Variants in WAPL observed in about 807,000 individuals in gnomAD.
WAPL encodes the protein wings apart-like protein homolog.
Under a neutral mutation model 121.0 loss-of-function variants are expected in WAPL, and 5 were observed. The observed-to-expected ratio is 0.04, with a 90% CI of 0.02 to 0.09. The LOEUF (loss-of-function observed/expected upper bound fraction) is 0.09. Among genes scored for constraint, WAPL ranks in the 10% least tolerant of loss-of-function variants. The pLI is 1.00. For missense variants in WAPL, 999 were observed against 1,410.8 expected (o/e 0.71, Z 4.68); for synonymous variants, 480 against 481.5 (o/e 1.00, Z 0.04).
intron 4 of WAPL, among the ~76,000 whole-genome samples, chr10:86,481,125 G>C (rs866293953): frequency 7.2e-5 from 11 of 152,126 alleles, no homozygotes; most frequent in African/African-American, 2.7e-4. Flanking sequence ...GCCAATACTG[G>C]ATGTGGGTAA....
Position 86,435,625 on chromosome 10 carries a change from A to C in WAPL, c.*1918T>G, listed in dbSNP as rs928473614. The C allele has an allele frequency of 6.6e-6, 1 of 152,168 alleles. No individual in the cohort carries two copies. Among genetic ancestry groups the C allele is most frequent in the Non-Finnish European group, 1.5e-5 (1 of 67,972 alleles). 9.4% of individuals were successfully genotyped at this position (152,168 alleles called of 1,614,324 possible). ...TCCCCCCACCAAAATCTGCATCTCT[A>C]TCAGTGCTCGACAATTAGTTATTAT... On this transcript the variant is annotated 3_prime_UTR_variant, in exon 19 of 19. Transcript: ENST00000298767.
At chr10:86,449,462 AAGAC>A (rs767630354) in intron 15 of WAPL, among the ~76,000 whole-genome samples, 2 of 152,258 alleles carry the variant, frequency 1.3e-5, no homozygotes, top group Non-Finnish European at 2.9e-5. Context: ...AGATAAAAGA[AAGAC>A]AGAGAAGATA....
chr10:86,517,800 G>A lies in WAPL; in HGVS notation c.270C>T (p.Ala90=), dbSNP rs1399256421. Residue 90 remains alanine, a synonymous_variant, in exon 2 of 19, where the codon GCC becomes GCT. Coordinates refer to ENST00000298767, the MANE Select transcript of WAPL (RefSeq NM_015045.5). ...ESLPVSSKNL[A]QVKCSSYSES... ...CTGAATAAGAGGAACACTTAACCTG[G>A]GCTAAATTCTTTGAAGAAACTGGTA... The A allele has an allele frequency of 6.2e-6, 10 of 1,613,996 alleles. No individual in the cohort carries two copies. The highest frequency in any genetic ancestry group is 8.5e-6 in the Non-Finnish European group (10 of 1,180,018).
chr10:86,470,938 T>G, intron 8 of WAPL, 54 bp downstream of exon 8: 1 of 1,403,066 alleles, frequency 7.1e-7, no homozygotes, highest in African/African-American at 1.4e-5. Context: ...GATAGCCAAA[T>G]AGACTAGTAG....
At chr10:86,468,888 G>C (rs1048771128) in intron 8 of WAPL, among the ~76,000 whole-genome samples, 39 of 152,072 alleles carry the variant, frequency 2.6e-4, no homozygotes, top group African/African-American at 8.7e-4. Context: ...ATCACCTAAG[G>C]TCGGGAGTTT....
intron 4 of WAPL, among the ~76,000 whole-genome samples, chr10:86,486,211 T>C (rs1841928586): frequency 6.6e-6 from 1 of 152,154 alleles, no homozygotes; most frequent in South Asian, 2.1e-4. Flanking sequence ...ATAACAAAGG[T>C]AACACTGGGT....
At chr10:86,443,053 A>AC (rs1299437525) in intron 17 of WAPL, among the ~76,000 whole-genome samples, 4 of 151,714 alleles carry the variant, frequency 2.6e-5, no homozygotes, top group Non-Finnish European at 4.4e-5. Flanking sequence ...AAAAAAAAAA[A>AC]AAAAAACTAC....
At position 86,521,393 on chromosome 10, in the gene WAPL, C is replaced by CGGGCCG. The variant is rs1400461615; in HGVS notation, c.-57_-52dup. ...CGGAGCCTGGCGGGTGCTTTGGCCA[C>CGGGCCG]GGGCCGCCTCCGCCTCTCCCGCTCC... is the stretch of plus-strand genomic sequence containing the variant. On this transcript the variant is annotated 5_prime_UTR_variant, in exon 1 of 19. Coordinates refer to ENST00000298767, the MANE Select transcript of WAPL (RefSeq NM_015045.5). 1.7e-5 allele frequency: 5 copies of CGGGCCG among 290,358 alleles called. No individual in the cohort carries two copies. 18.0% of individuals were successfully genotyped at this position (290,358 alleles called of 1,614,324 possible).
At chr10:86,492,536 T>C (rs1168740553) in intron 4 of WAPL, among the ~76,000 whole-genome samples, 4 of 152,110 alleles carry the variant, frequency 2.6e-5, no homozygotes, top group Middle Eastern at 3.2e-3. Flanking sequence ...AGTAACCAGG[T>C]ATCATGAGAC....
chr10:86,461,187 A>G lies in WAPL; in HGVS notation c.2471T>C (p.Ile824Thr). The G allele has an allele frequency of 6.2e-7, 1 of 1,611,584 alleles. No individual in the cohort carries two copies. Among genetic ancestry groups the G allele is most frequent in the Non-Finnish European group, 8.5e-7 (1 of 1,178,246 alleles). The change falls in exon 10 of 19, where the codon ATT becomes ACT. Residue 824 changes from isoleucine to threonine, a missense_variant. By Grantham distance (89) the Ile-to-Thr change is moderately conservative. Coordinates refer to ENST00000298767, the MANE Select transcript of WAPL (RefSeq NM_015045.5). Reference protein sequence around the residue: ...ELRLLGGLDHIVDKVKECVDH... With the variant: ...ELRLLGGLDHTVDKVKECVDH... ...TGTAAATATCATACCTTTATCTACA[A>G]TATGATCCAGACCACCCAAAAGCCG... is the stretch of plus-strand genomic sequence containing the variant.
At chr10:86,448,780 A>T (rs1482194355) in intron 15 of WAPL, among the ~76,000 whole-genome samples, 3 of 151,930 alleles carry the variant, frequency 2.0e-5, no homozygotes, top group Admixed American at 6.6e-5. Context: ...ACACCTGGCT[A>T]ATTTTTTAAT....
At chr10:86,512,657 C>A (rs1374711189) in intron 2 of WAPL, among the ~76,000 whole-genome samples, 1 of 152,188 alleles carries the variant, frequency 6.6e-6, no homozygotes, top group Non-Finnish European at 1.5e-5. Flanking sequence ...GCTTTAATAG[C>A]AACTGCAATC....
intron 12 of WAPL, among the ~76,000 whole-genome samples, chr10:86,454,559 C>A (rs1841085497): frequency 6.6e-6 from 1 of 152,246 alleles, no homozygotes; most frequent in African/African-American, 2.4e-5. Flanking sequence ...TGCTGGAGTG[C>A]AGTGGCGTGA....
intron 8 of WAPL, among the ~76,000 whole-genome samples, 174 bp from the exon 9 acceptor site, chr10:86,467,680 T>A (rs1841430310): frequency 1.3e-5 from 2 of 151,382 alleles, no homozygotes; most frequent in Admixed American, 6.6e-5. Flanking sequence ...TAAAAAATTT[T>A]TTTTTTTTTT....
chr10:86,461,270 C>T lies in WAPL; in HGVS notation c.2388G>A (p.Met796Ile). 6.2e-7 allele frequency: 1 copy of T among 1,611,914 alleles called. No homozygotes were observed. The highest frequency in any genetic ancestry group is 8.5e-7 in the Non-Finnish European group (1 of 1,179,346). ...LENITTGHLA[M>I]ETLLSLTSKR... Reference sequence around the variant, plus strand: ...TAGAAGTAAGGGATAATAATGTCTCCATAGCTAAATGCCCAGTCTAAAAAC... The same window carrying T: ...TAGAAGTAAGGGATAATAATGTCTCTATAGCTAAATGCCCAGTCTAAAAAC... Residue 796 changes from methionine to isoleucine, a missense_variant, in exon 10 of 19, where the codon ATG becomes ATA. Around this residue, in one of 7 missense-constraint regions of WAPL, gnomAD observed 118 missense variants for 318.3 expected, o/e 0.37. Transcript: ENST00000298767.
intron 17 of WAPL, 146 bp downstream of exon 17, chr10:86,443,129 A>G: frequency 3.9e-6 from 2 of 512,694 alleles, no homozygotes; most frequent in Non-Finnish European, 3.3e-6. Context: ...AAACAACCCT[A>G]TAATCAGCCA....
chr10:86,500,772 A>G (rs1440976665), intron 2 of WAPL, 29 bp from the exon 3 acceptor site: 1 of 1,501,110 alleles, frequency 6.7e-7, no homozygotes, highest in Non-Finnish European at 8.9e-7. Context: ...GGATAAAAAC[A>G]TGAGTGGTAT....
intron 4 of WAPL, among the ~76,000 whole-genome samples, chr10:86,491,253 C>T (rs933281584): frequency 2.0e-5 from 3 of 150,220 alleles, no homozygotes; most frequent in African/African-American, 7.3e-5. Flanking sequence ...CATTCTCCTG[C>T]CTCAGCCTCC....
At position 86,500,814 on chromosome 10, in the gene WAPL, G is replaced by A. The variant is rs533353362; in HGVS notation, c.500-71C>T. ...AAAAGTTAATAAATAACATATATGT[G>A]GTTAATCAATAGTATATGATCAATC... is the stretch of plus-strand genomic sequence containing the variant. On this transcript the variant is annotated intron_variant, in intron 2 of 18. Coordinates refer to ENST00000298767, the MANE Select transcript of WAPL (RefSeq NM_015045.5). 55 of 1,227,522 alleles carry A rather than the reference G, an allele frequency of 4.5e-5. No individual in the cohort carries two copies. In the South Asian group the frequency reaches 8.7e-4, roughly 19 times the overall value. The allele number at this position is 1,227,522 out of a possible 1,614,324, so 76.0% of individuals were successfully genotyped here.
Sources: allele counts gnomAD v4.1 joint callset (sites outside exome capture counted in the v4.1 genomes callset), GRCh38; gene constraint gnomAD v4.1.1; regional missense constraint gnomAD v4.1.1; transcripts MANE v1.5; gene names NCBI Gene and HGNC (gene_info 2026-07-23, HGNC 2026-07-21).